The following SRP72 variants were observed in gnomAD, a reference collection of about 807,000 sequenced individuals.
SRP72 encodes the protein signal recognition particle subunit SRP72.
Under a neutral mutation model 96.3 loss-of-function variants are expected in SRP72, and 49 were observed. The ratio of observed to expected loss-of-function variants is 0.51; its 90% confidence interval spans 0.40 to 0.65. SRP72 has a LOEUF of 0.65. Ranked by LOEUF, SRP72 falls within the 30% of genes least tolerant of loss-of-function variation. The probability of loss-of-function intolerance (pLI) is 0.00; values close to 1 mark genes in which losing one functional copy is unlikely to be tolerated. For synonymous variants in SRP72, 267 were observed against 275.2 expected (o/e 0.97, Z 0.30); for missense variants, 736 against 793.3 (o/e 0.93, Z 0.87).
chr4:56,500,370 T>TA (rs972486783), intron 17 of SRP72, 166 bp from the exon 18 acceptor site: 407 of 691,822 alleles, frequency 5.9e-4, no homozygotes, highest in Middle Eastern at 8.7e-4. Context: ...TATAATAATT[T>TA]AAAAAAAAAG....
intron 11 of SRP72, among the ~76,000 whole-genome samples, chr4:56,487,221 T>C (rs1720742969): frequency 6.6e-6 from 1 of 152,148 alleles, no homozygotes; most frequent in Non-Finnish European, 1.5e-5. Context: ...ATTTTATGAG[T>C]TGAAGGAGGG....
chr4:56,484,793 T>G lies in SRP72; in HGVS notation c.1015T>G (p.Leu339Val), dbSNP rs777855261. 1.2e-6 allele frequency: 2 copies of G among 1,613,982 alleles called. No homozygotes were observed. The highest frequency in any genetic ancestry group is 2.2e-5 in the South Asian group (2 of 91,094). Residue 339 changes from leucine (L) to valine (V), a missense_variant, in exon 10 of 19, where the codon TTA (leucine) becomes GTA (valine). Leu to Val is a conservative substitution (Grantham distance 32). Transcript: ENST00000642900. Reference sequence around the variant, plus strand: ...ACAGTCCCAAAGTCCCGAGCATCTCTTACCTGTGTTAATCCAAGCTGCCCA... The same window carrying G: ...ACAGTCCCAAAGTCCCGAGCATCTCGTACCTGTGTTAATCCAAGCTGCCCA... ...SLQSQSPEHL[L>V]PVLIQAAQLC...
intron 2 of SRP72, among the ~76,000 whole-genome samples, chr4:56,470,722 T>C (rs1316667163): frequency 1.3e-5 from 2 of 152,188 alleles, no homozygotes; most frequent in Non-Finnish European, 2.9e-5. Flanking sequence ...AATGCTGCTT[T>C]TCTCCTATTA....
intron 1 of SRP72, among the ~76,000 whole-genome samples, chr4:56,468,605 C>T (rs1197313402): frequency 6.6e-6 from 1 of 151,814 alleles, no homozygotes; most frequent in Non-Finnish European, 1.5e-5. Flanking sequence ...GTAGCAGTAA[C>T]CTAAAAGGTG....
intron 12 of SRP72, 31 bp downstream of exon 12, chr4:56,488,044 T>C (rs1379258022): frequency 6.7e-7 from 1 of 1,488,110 alleles, no homozygotes; most frequent in Non-Finnish European, 9.2e-7. Flanking sequence ...AATTGAAAAG[T>C]AGTTGAATTG....
chr4:56,488,103 G>A (rs867661852), intron 12 of SRP72, 90 bp downstream of exon 12: 1 of 845,704 alleles, frequency 1.2e-6, no homozygotes, highest in Middle Eastern at 2.8e-4. Context: ...TGTCGAATGT[G>A]TATTCACTTT....
At chr4:56,478,697 C>T in intron 8 of SRP72, 48 bp downstream of exon 8, 2 of 1,566,244 alleles carry the variant, frequency 1.3e-6, no homozygotes, top group Non-Finnish European at 1.7e-6. Context: ...CCTGAAAGCT[C>T]ATCACCCTAG....
Position 56,484,788 on chromosome 4 carries a change from A to T in SRP72, c.1010A>T (p.His337Leu), listed in dbSNP as rs1453271347. The change falls in exon 10 of 19, where the codon CAT becomes CTT. Residue 337 changes from histidine (H) to leucine (L), a missense_variant. Coordinates refer to ENST00000642900, the MANE Select transcript of SRP72 (RefSeq NM_006947.4). Reference protein sequence around the residue: ...SASLQSQSPEHLLPVLIQAAQ... With the variant: ...SASLQSQSPELLLPVLIQAAQ... ...AGTTTACAGTCCCAAAGTCCCGAGCATCTCTTACCTGTGTTAATCCAAGCT... is the reference window on the plus strand; with the variant it reads ...AGTTTACAGTCCCAAAGTCCCGAGCTTCTCTTACCTGTGTTAATCCAAGCT... 5 of 1,614,086 alleles carry T rather than the reference A, an allele frequency of 3.1e-6. No homozygotes were observed. The highest frequency in any genetic ancestry group is 4.2e-6 in the Non-Finnish European group (5 of 1,180,050).
intron 1 of SRP72, among the ~76,000 whole-genome samples, chr4:56,468,905 G>T (rs1719856379): frequency 1.3e-5 from 2 of 152,134 alleles, no homozygotes; most frequent in Non-Finnish European, 2.9e-5. Context: ...GATTCTTTGA[G>T]AATTGGACTT....
chr4:56,474,207 C>A lies in SRP72; in HGVS notation c.498+10C>A. On this transcript the variant is annotated intron_variant, in intron 4 of 18. Transcript: ENST00000642900. ...GGAAAAAGTGGTTCCAGTGAGTATC[C>A]TTGTGGTGTACCCATACAGTCATGA... The A allele has an allele frequency of 1.2e-6, 2 of 1,613,998 alleles. No individual in the cohort carries two copies. The highest frequency in any genetic ancestry group is 1.7e-6 in the Non-Finnish European group (2 of 1,179,958).
chr4:56,495,167 T>C, intron 16 of SRP72, 190 bp from the exon 17 acceptor site: 1 of 373,102 alleles, frequency 2.7e-6, no homozygotes, highest in Non-Finnish European at 4.9e-6. Context: ...TTCCAAAAAT[T>C]ATAGTATCTG....
chr4:56,468,975 G>T (rs1719858708), intron 1 of SRP72, among the ~76,000 whole-genome samples: 1 of 152,202 alleles, frequency 6.6e-6, no homozygotes, highest in African/African-American at 2.4e-5. Context: ...CCGAACAGTT[G>T]TTAGCGTTGA....
chr4:56,469,504 G>C (rs1719877947), intron 1 of SRP72, 149 bp from the exon 2 acceptor site: 1 of 612,982 alleles, frequency 1.6e-6, no homozygotes, highest in Non-Finnish European at 2.6e-6. Context: ...GTTTTGTTTT[G>C]TTGCTGTTTC....
intron 18 of SRP72, among the ~76,000 whole-genome samples, chr4:56,501,188 A>G (rs1472945972): frequency 6.6e-6 from 1 of 152,200 alleles, no homozygotes; most frequent in African/African-American, 2.4e-5. Flanking sequence ...CAGGCAGATC[A>G]TTTGAGGTTG....
chr4:56,501,606 TA>T, intron 18 of SRP72, 77 bp from the exon 19 acceptor site: 2 of 1,299,530 alleles, frequency 1.5e-6, no homozygotes, highest in Non-Finnish European at 1.1e-6. Flanking sequence ...GTGTGATAAG[TA>T]AAACCCATGT....
rs373970840 is a variant in SRP72, at chr4:56,487,913, C to G, written c.1160-36C>G. The stretch of plus-strand genomic sequence containing the variant: ...GTATTTTTTTTTCATAATATGTGTT[C>G]TTCTATGTAATGCTGATTTTGTTTA... On this transcript the variant is annotated intron_variant, in intron 11 of 18. Transcript: ENST00000642900. 279 of 1,487,904 alleles carry G rather than the reference C, an allele frequency of 1.9e-4. 1 individual carries two copies. In the Middle Eastern group the frequency reaches 2.8e-3, roughly 15 times the overall value. 92.2% of individuals were successfully genotyped at this position (1,487,904 alleles called of 1,614,324 possible).
chr4:56,474,810 A>G (rs1245264347), intron 5 of SRP72, among the ~76,000 whole-genome samples: 2 of 152,124 alleles, frequency 1.3e-5, no homozygotes. Context: ...TCAGCCTCCC[A>G]AGTAGCTGGG....
chr4:56,478,148 C>T (rs1720320961), intron 6 of SRP72, among the ~76,000 whole-genome samples: 1 of 146,504 alleles, frequency 6.8e-6, no homozygotes, highest in Non-Finnish European at 1.5e-5. Flanking sequence ...GATCTTTTTG[C>T]CTTTTCTTTT....
intron 16 of SRP72, among the ~76,000 whole-genome samples, chr4:56,493,182 T>C (rs988373576): frequency 1.3e-5 from 2 of 151,694 alleles, no homozygotes; most frequent in Admixed American, 1.3e-4. Context: ...GGACTACAGG[T>C]GCCTGCCATC....
Sources: allele counts gnomAD v4.1 joint callset (sites outside exome capture counted in the v4.1 genomes callset), GRCh38; gene constraint gnomAD v4.1.1; transcripts MANE v1.5; gene names NCBI Gene and HGNC (gene_info 2026-07-23, HGNC 2026-07-21).